Variants in ANKRD44 observed in about 807,000 individuals in gnomAD.
The protein encoded by ANKRD44 is serine/threonine-protein phosphatase 6 regulatory ankyrin repeat subunit B.
A neutral mutation model predicts 116.0 loss-of-function variants in ANKRD44; 35 were observed. That is an observed-to-expected ratio of 0.30 (90% CI 0.23 to 0.40). The LOEUF (loss-of-function observed/expected upper bound fraction) is 0.40, where lower values mean the gene tolerates loss of function less well. Among genes scored for constraint, ANKRD44 ranks in the 10% least tolerant of loss-of-function variants. ANKRD44 has a pLI of 1.00. For synonymous variants in ANKRD44, 435 were observed against 461.8 expected, an observed-to-expected ratio of 0.94 and a Z score of 0.74; for missense variants, 1,014 against 1,242.6, an observed-to-expected ratio of 0.82 and a Z score of 2.77.
chr2:197,200,414 T>G (rs954049504), intron 1 of ANKRD44, among the ~76,000 whole-genome samples: 1 of 152,142 alleles, frequency 6.6e-6, no homozygotes, highest in Non-Finnish European at 1.5e-5. Context: ...ACTTTAGACA[T>G]GTATATGCTC....
intron 4 of ANKRD44, chr2:197,135,347 C>T (rs540223779): frequency 7.9e-5 from 12 of 152,238 alleles, no homozygotes; most frequent in African/African-American, 2.9e-4. Context: ...CATCCAGCAC[C>T]AAGTGCATGC....
At chr2:197,238,832 G>C (rs6754078) in intron 1 of ANKRD44, among the ~76,000 whole-genome samples, 7,080 of 152,064 alleles carry the variant, frequency 0.047, 555 homozygotes, top group African/African-American at 0.16. Flanking sequence ...AGCCTCCCGG[G>C]TAGCTGGGAT....
At chr2:197,018,850 A>G (rs1238642281) in intron 17 of ANKRD44, among the ~76,000 whole-genome samples, 1 of 152,202 alleles carries the variant, frequency 6.6e-6, no homozygotes, top group African/African-American at 2.4e-5. Context: ...GCACTATTTC[A>G]AACATTTTAG....
intron 1 of ANKRD44, among the ~76,000 whole-genome samples, chr2:197,198,630 A>G (rs1197881200): frequency 6.6e-6 from 1 of 151,806 alleles, no homozygotes; most frequent in Admixed American, 6.6e-5. Flanking sequence ...CGTCTCTACT[A>G]AAAATACAAA....
At chr2:197,215,568 A>G (rs1362947668) in intron 1 of ANKRD44, among the ~76,000 whole-genome samples, 1 of 152,210 alleles carries the variant, frequency 6.6e-6, no homozygotes, top group East Asian at 1.9e-4. Context: ...GATGACCTCA[A>G]ATGGCTTCAA....
At chr2:197,170,558 C>T (rs114463021) in intron 2 of ANKRD44, among the ~76,000 whole-genome samples, 321 of 152,310 alleles carry the variant, frequency 2.1e-3, no homozygotes, top group Middle Eastern at 3.4e-3. Flanking sequence ...CTGGCAGCAA[C>T]TTCTTTAAGC....
rs150926318 is a variant in ANKRD44, at chr2:197,187,059, C to A, written c.75G>T (p.Arg25=). The change falls in exon 2 of 28, where the codon CGG becomes CGT. Residue 25 remains arginine, a synonymous_variant. Coordinates refer to ENST00000282272, the MANE Select transcript of ANKRD44 (RefSeq NM_001195144.2). ...AIFSGDPEEI[R]MLIHKTEDVN... is the part of the protein sequence containing the mutation. ...CATCTTCAGTTTTATGGATGAGCATCCGGATCTCCTCTGGATCACCGCTGA... is the reference window on the plus strand; with the variant it reads ...CATCTTCAGTTTTATGGATGAGCATACGGATCTCCTCTGGATCACCGCTGA... The A allele has an allele frequency of 6.2e-7, 1 of 1,614,100 alleles. No individual in the cohort carries two copies. Among genetic ancestry groups the A allele is most frequent in the East Asian group, 2.2e-5 (1 of 44,882 alleles).
intron 1 of ANKRD44, among the ~76,000 whole-genome samples, chr2:197,209,028 A>G (rs1248555961): frequency 6.6e-6 from 1 of 152,222 alleles, no homozygotes; most frequent in Non-Finnish European, 1.5e-5. Flanking sequence ...AGGCAAGACT[A>G]TTAGAGGTAG....
intron 2 of ANKRD44, among the ~76,000 whole-genome samples, chr2:197,170,190 C>CAAAA (rs71012960): frequency 0.072 from 8,519 of 118,164 alleles, 253 homozygotes; most frequent in South Asian, 0.093. Flanking sequence ...ACCCTGTTTC[C>CAAAA]AAAAAAAAAA....
At chr2:197,124,686 T>C (rs139590603) in intron 6 of ANKRD44, among the ~76,000 whole-genome samples, 259 of 152,332 alleles carry the variant, frequency 1.7e-3, no homozygotes, top group African/African-American at 5.7e-3. Flanking sequence ...CCTGTCTATT[T>C]TTCTAATGGC....
chr2:197,040,716 AAAAATAAAAT>A (rs764142959), intron 16 of ANKRD44, among the ~76,000 whole-genome samples: 1 of 152,102 alleles, frequency 6.6e-6, no homozygotes, highest in Non-Finnish European at 1.5e-5. Context: ...TCTGGTAGGA[AAAAATAAAAT>A]AAAATAAAAT....
chr2:197,101,549 A>G (rs1169197648), intron 9 of ANKRD44, among the ~76,000 whole-genome samples: 1 of 152,182 alleles, frequency 6.6e-6, no homozygotes, highest in East Asian at 1.9e-4. Context: ...ATGCCACTGA[A>G]CTGTACACTT....
At chr2:197,123,649 TAAAC>T (rs1427193629) in intron 6 of ANKRD44, among the ~76,000 whole-genome samples, 2 of 152,036 alleles carry the variant, frequency 1.3e-5, no homozygotes, top group Non-Finnish European at 2.9e-5. Flanking sequence ...AATAAATAAA[TAAAC>T]AAAGAAACAA....
At chr2:197,134,125 G>T (rs1450781245) in intron 4 of ANKRD44, 3 of 151,562 alleles carry the variant, frequency 2.0e-5, no homozygotes, top group African/African-American at 7.3e-5. Context: ...AGCTAATTTT[G>T]TATTTTTAGC....
rs758412435 is a variant in ANKRD44 at position 197,000,471 on chromosome 2, G to A, written c.2467C>T (p.Leu823=). 3.7e-6 allele frequency: 6 copies of A among 1,614,064 alleles called. No individual in the cohort carries two copies. Among genetic ancestry groups the A allele is most frequent in the Non-Finnish European group, 5.1e-6 (6 of 1,179,970 alleles). Residue 823 remains leucine, a synonymous_variant, in exon 23 of 28, where the codon CTG becomes TTG. Transcript: ENST00000282272. ...INDHGNCASL[L]LGAIDSSIVS... ...ATACTGGAATCTATGGCCCCAAGCA[G>A]CAATGATGCACAATTCCCATGATCA...
At chr2:197,032,894 T>G (rs2124901134) in intron 16 of ANKRD44, among the ~76,000 whole-genome samples, 2 of 152,220 alleles carry the variant, frequency 1.3e-5, no homozygotes, top group Middle Eastern at 6.8e-3. Flanking sequence ...ATTGTCTAGC[T>G]TTAGTAATGG....
chr2:197,168,898 AC>A (rs1258402199), intron 2 of ANKRD44, among the ~76,000 whole-genome samples: 1 of 151,906 alleles, frequency 6.6e-6, no homozygotes, highest in Non-Finnish European at 1.5e-5. Flanking sequence ...TTCTGCCCTG[AC>A]CCCAACTATG....
intron 1 of ANKRD44, chr2:197,263,202 A>T: frequency 2.0e-6 from 1 of 494,552 alleles, no homozygotes; most frequent in Non-Finnish European, 3.8e-6. Flanking sequence ...GTGGTGCTGA[A>T]ATGACCAGAG....
chr2:197,185,335 C>A (rs961342837), intron 2 of ANKRD44, among the ~76,000 whole-genome samples: 1 of 152,208 alleles, frequency 6.6e-6, no homozygotes, highest in South Asian at 2.1e-4. Flanking sequence ...GCCACACCAA[C>A]CTGCACTGCC....
Sources: gnomAD v4.1 joint callset for allele counts (sites outside exome capture counted in the v4.1 genomes callset) on GRCh38, gnomAD v4.1.1 for gene constraint, MANE v1.5 for transcripts, NCBI Gene and HGNC (gene_info 2026-07-23, HGNC 2026-07-21) for gene names.